The following LRRC4C variants were observed in gnomAD, a reference collection of about 807,000 sequenced individuals.
The protein encoded by LRRC4C is leucine rich repeat containing 4C, also known as leucine-rich repeat-containing protein 4C.
In LRRC4C, 5 loss-of-function variants were observed where a neutral mutation model predicts 33.6. The observed-to-expected ratio is 0.15, with a 90% CI of 0.08 to 0.31. The LOEUF is 0.31. Ranked by LOEUF, LRRC4C falls within the 10% of genes least tolerant of loss-of-function variation. LRRC4C has a pLI of 1.00. For synonymous variants in LRRC4C, 329 were observed against 302.0 expected (o/e 1.09, Z -0.93); for missense variants, 560 against 796.7 (o/e 0.70, Z 3.58).
chr11:40,905,603 A>G (rs1390512348), intron 2 of LRRC4C, among the ~76,000 whole-genome samples: 1 of 152,164 alleles, frequency 6.6e-6, no homozygotes, highest in East Asian at 1.9e-4. Context: ...CGTGCTACAC[A>G]TGCCTTGAAA....
chr11:40,527,277 C>T (rs932624391), intron 3 of LRRC4C, among the ~76,000 whole-genome samples: 8 of 151,992 alleles, frequency 5.3e-5, no homozygotes, highest in South Asian at 2.1e-4. Flanking sequence ...ATATACTTTA[C>T]GTGCTTATTA....
intron 2 of LRRC4C, among the ~76,000 whole-genome samples, chr11:40,687,009 C>A (rs7118513): frequency 0.5 from 75,980 of 151,910 alleles, 19,181 homozygotes; most frequent in East Asian, 0.57. Flanking sequence ...GTTAGCTAAC[C>A]GGGCAATTGG....
At position 40,114,754 on chromosome 11, in the gene LRRC4C, G is replaced by T. The variant is rs1360226831; in HGVS notation, c.1539C>A (p.Asn513Lys). 4 of 1,614,040 alleles carry T rather than the reference G, an allele frequency of 2.5e-6. No individual in the cohort carries two copies. In the African/African-American group the frequency reaches 5.3e-5, roughly 22 times the overall value. Residue 513 changes from asparagine (N) to lysine (K), a missense_variant, in exon 7 of 7, where the codon AAC becomes AAA. Transcript: ENST00000528697. ...CCTCATCAATTCCTGGGATCCCACTGTTTATATCAGTCACTGGGATGGTGA... is the reference window on the plus strand; with the variant it reads ...CCTCATCAATTCCTGGGATCCCACTTTTTATATCAGTCACTGGGATGGTGA... ...KTFTIPVTDI[N>K]SGIPGIDEVM...
chr11:41,085,919 T>G (rs1939941257), intron 1 of LRRC4C, among the ~76,000 whole-genome samples: 1 of 137,608 alleles, frequency 7.3e-6, no homozygotes, highest in African/African-American at 2.7e-5. Flanking sequence ...TAAGTGATTT[T>G]TAAGACACCA....
At chr11:41,144,318 A>G (rs1306780504) in intron 1 of LRRC4C, among the ~76,000 whole-genome samples, 1 of 152,212 alleles carries the variant, frequency 6.6e-6, no homozygotes, top group African/African-American at 2.4e-5. Context: ...AGAGGAAAGA[A>G]CACTCCAGAC....
chr11:41,360,008 C>T (rs2137658931), intron 1 of LRRC4C, among the ~76,000 whole-genome samples: 1 of 152,230 alleles, frequency 6.6e-6, no homozygotes, highest in South Asian at 2.1e-4. Context: ...CATGGTGAAA[C>T]CCCGTCTCTA....
chr11:41,363,796 T>G lies in LRRC4C; in HGVS notation c.-496+95635A>C, dbSNP rs116439811. Among the ~76,000 whole-genome samples, 640 of 152,266 alleles carry G rather than the reference T, an allele frequency of 4.2e-3. 3 individuals carry two copies. Among genetic ancestry groups the G allele is most frequent in the African/African-American group, 0.014 (562 of 41,546 alleles). ...TTCACCCCCGCCAACAGCAAAACTA[T>G]TTTACTTTGGCTGTACAGGTGCTAT... On this transcript the variant is annotated intron_variant, in intron 1 of 6. Transcript: ENST00000528697.
chr11:40,845,792 C>A (rs376720989), intron 2 of LRRC4C, among the ~76,000 whole-genome samples: 2 of 152,126 alleles, frequency 1.3e-5, no homozygotes, highest in African/African-American at 4.8e-5. Flanking sequence ...TTTACGCTAC[C>A]ATCAACAGTG....
intron 3 of LRRC4C, among the ~76,000 whole-genome samples, chr11:40,326,316 C>A (rs949544936): frequency 6.6e-6 from 1 of 152,080 alleles, no homozygotes; most frequent in African/African-American, 2.4e-5. Context: ...GTAATCCCAG[C>A]ACTTTGGGAG....
chr11:40,144,670 A>G (rs1321573745), intron 5 of LRRC4C, among the ~76,000 whole-genome samples: 1 of 152,214 alleles, frequency 6.6e-6, no homozygotes, highest in Non-Finnish European at 1.5e-5. Context: ...GAGGAAGGCG[A>G]ATGAGATTAT....
intron 3 of LRRC4C, among the ~76,000 whole-genome samples, chr11:40,497,703 A>G (rs1437348554): frequency 2.0e-5 from 3 of 152,210 alleles, no homozygotes. Context: ...GACTCTATTC[A>G]GAATTATTTT....
At chr11:41,074,230 C>G (rs1335549344) in intron 1 of LRRC4C, among the ~76,000 whole-genome samples, 1 of 152,112 alleles carries the variant, frequency 6.6e-6, no homozygotes, top group East Asian at 1.9e-4. Flanking sequence ...CTTTAAGAGG[C>G]AACCCCTTCA....
At chr11:40,167,044 AGG>A (rs1859652496) in intron 5 of LRRC4C, among the ~76,000 whole-genome samples, 1 of 152,170 alleles carries the variant, frequency 6.6e-6, no homozygotes, top group African/African-American at 2.4e-5. Context: ...CATTTTAATA[AGG>A]GAATCCCGGA....
intron 1 of LRRC4C, among the ~76,000 whole-genome samples, chr11:41,299,464 A>C (rs1420343998): frequency 6.6e-6 from 1 of 152,070 alleles, no homozygotes; most frequent in Non-Finnish European, 1.5e-5. Flanking sequence ...AAAATGTCAT[A>C]ATGTCTTAGA....
In LRRC4C at chr11:41,374,229, T is replaced by C. The variant is rs189605882; in HGVS notation, c.-496+85202A>G. ...TTCATTCTTATGTTATTTTCTACTA[T>C]CTTATCCTTTACCTGAGAAATACTC... On this transcript the variant is annotated intron_variant, in intron 1 of 6. Coordinates refer to ENST00000528697, the MANE Select transcript of LRRC4C (RefSeq NM_001258419.2). Among the ~76,000 whole-genome samples, 87 of 152,330 alleles carry C rather than the reference T, an allele frequency of 5.7e-4. No homozygotes were observed. In the East Asian group the frequency reaches 7.5e-3, roughly 13 times the overall value.
At chr11:40,190,794 T>C (rs772308264) in intron 5 of LRRC4C, among the ~76,000 whole-genome samples, 4 of 152,138 alleles carry the variant, frequency 2.6e-5, no homozygotes, top group Admixed American at 6.5e-5. Context: ...AGAATCTGGG[T>C]GCTACAGAAT....
intron 3 of LRRC4C, among the ~76,000 whole-genome samples, chr11:40,382,123 ATTTTTTTTTTTTTTTTT>A (rs77934711): frequency 1.4e-4 from 14 of 99,980 alleles, no homozygotes; most frequent in African/African-American, 2.6e-4. Context: ...TGCCCGGCTA[ATTTTTTTTTTTTTTTTT>A]TTTTTTTTTT....
chr11:40,634,410 G>A (rs1026845875), intron 3 of LRRC4C, among the ~76,000 whole-genome samples: 8 of 151,954 alleles, frequency 5.3e-5, no homozygotes, highest in South Asian at 2.1e-4. Context: ...TAGGGTTTAC[G>A]GATTTCATTA....
chr11:41,433,414 G>A (rs1955311125), intron 1 of LRRC4C, among the ~76,000 whole-genome samples: 1 of 152,140 alleles, frequency 6.6e-6, no homozygotes, highest in Admixed American at 6.5e-5. Flanking sequence ...GGCTTCTATA[G>A]TGTGATGGTT....
Sources: gnomAD v4.1 joint callset for allele counts (sites outside exome capture counted in the v4.1 genomes callset) on GRCh38, gnomAD v4.1.1 for gene constraint, MANE v1.5 for transcripts, NCBI Gene and HGNC (gene_info 2026-07-23, HGNC 2026-07-21) for gene names.